Variants in STK3 observed in about 807,000 individuals in gnomAD.
STK3 encodes the protein serine/threonine kinase 3.
STK3 carries 41 observed loss-of-function variants against 58.0 expected under a neutral mutation model. The observed-to-expected ratio is 0.71, with a 90% CI of 0.55 to 0.92. The LOEUF (loss-of-function observed/expected upper bound fraction) is 0.92, where lower values mean the gene tolerates loss of function less well. Among genes scored for constraint, STK3 ranks in the 40% least tolerant of loss-of-function variants. The probability of loss-of-function intolerance (pLI) is 0.00; values close to 1 mark genes in which losing one functional copy is unlikely to be tolerated. For synonymous variants in STK3, 170 were observed against 191.0 expected, an observed-to-expected ratio of 0.89 and a Z score of 0.91; for missense variants, 479 against 602.7, an observed-to-expected ratio of 0.79 and a Z score of 2.15.
At chr8:98,752,127 C>T (rs1830025175) in intron 3 of STK3, among the ~76,000 whole-genome samples, 1 of 152,000 alleles carries the variant, frequency 6.6e-6, no homozygotes, top group African/African-American at 2.4e-5. Flanking sequence ...CAAAAAAGAG[C>T]CCGAATAGCC....
intron 6 of STK3, among the ~76,000 whole-genome samples, chr8:98,699,072 T>G (rs1825283296): frequency 6.6e-6 from 1 of 152,148 alleles, no homozygotes; most frequent in Non-Finnish European, 1.5e-5. Flanking sequence ...CTTTTTGTTC[T>G]TTTTCTCTAA....
chr8:98,843,804 G>A (rs1174272880), intron 3 of STK3, among the ~76,000 whole-genome samples: 51 of 152,308 alleles, frequency 3.3e-4, no homozygotes, highest in Non-Finnish European at 4.0e-4. Context: ...ATCACTTGAG[G>A]TTAGAAGTTC....
At chr8:98,699,786 C>T (rs1348222436) in intron 6 of STK3, among the ~76,000 whole-genome samples, 1 of 152,200 alleles carries the variant, frequency 6.6e-6, no homozygotes, top group African/African-American at 2.4e-5. Context: ...GGGGGTGCCT[C>T]CCAGTTAGGC....
At chr8:98,474,680 A>G (rs1821174961) in intron 10 of STK3, among the ~76,000 whole-genome samples, 1 of 152,190 alleles carries the variant, frequency 6.6e-6, no homozygotes, top group Non-Finnish European at 1.5e-5. Flanking sequence ...AGTTCTATTC[A>G]TCTTTAGGAC....
Position 98,506,759 on chromosome 8 carries a change from G to A in STK3, c.1317+19983C>T, listed in dbSNP as rs115434835. Among the ~76,000 whole-genome samples the A allele has an allele frequency of 3.5e-3, 535 of 152,154 alleles. 4 individuals are homozygous for A. The highest frequency in any genetic ancestry group is 0.012 in the African/African-American group (480 of 41,540). ...ATGGAGAAAGAACCAAAGACTCAAC[G>A]AATGCAGCTCCAGATACTGAAAAGT... On this transcript the variant is annotated intron_variant, in intron 10 of 10. Coordinates refer to ENST00000419617, the MANE Select transcript of STK3 (RefSeq NM_006281.4).
chr8:98,528,701 T>C (rs1419866497), intron 9 of STK3, among the ~76,000 whole-genome samples: 5 of 152,050 alleles, frequency 3.3e-5, no homozygotes, highest in African/African-American at 1.2e-4. Flanking sequence ...GGTCAGGCAG[T>C]AAGCTACTTT....
intron 1 of STK3, among the ~76,000 whole-genome samples, chr8:98,823,227 T>C (rs2131742830): frequency 6.6e-6 from 1 of 151,796 alleles, no homozygotes. Flanking sequence ...CCTGAAAAAA[T>C]AAAAAATGCC....
intron 3 of STK3, among the ~76,000 whole-genome samples, chr8:98,860,600 G>A (rs543896209): frequency 7.9e-5 from 12 of 152,270 alleles, no homozygotes; most frequent in South Asian, 6.2e-4. Context: ...ATGATAACGC[G>A]CAGATTGCAC....
intron 8 of STK3, among the ~76,000 whole-genome samples, chr8:98,551,964 G>C (rs1425161246): frequency 3.3e-5 from 5 of 152,042 alleles, no homozygotes; most frequent in Admixed American, 2.6e-4. Flanking sequence ...CAGAAAATAA[G>C]AGACTTCCCT....
At chr8:98,389,852 C>T (rs1817829978), upstream of STK3, among the ~76,000 whole-genome samples, 1 of 151,576 alleles carries the variant, frequency 6.6e-6, no homozygotes, top group African/African-American at 2.4e-5. Flanking sequence ...CCCAAATGAG[C>T]CAAAGCCACC....
At chr8:98,506,499 A>G (rs1268720108) in intron 10 of STK3, among the ~76,000 whole-genome samples, 1 of 152,152 alleles carries the variant, frequency 6.6e-6, no homozygotes, top group Non-Finnish European at 1.5e-5. Context: ...TGGGAGCTGC[A>G]GACCGGAGCT....
chr8:98,883,482 CCAAA>C (rs1837872066), downstream of STK3: 2 of 559,656 alleles, frequency 3.6e-6, no homozygotes, highest in East Asian at 2.9e-5. Context: ...GCAAGGAAAT[CCAAA>C]CACTCTTCTG....
chr8:98,852,334 A>G (rs1355793888), intron 3 of STK3, among the ~76,000 whole-genome samples: 3 of 152,028 alleles, frequency 2.0e-5, no homozygotes, highest in Admixed American at 6.6e-5. Context: ...GGGTTTCACC[A>G]TGTTGTCCAG....
intron 3 of STK3, among the ~76,000 whole-genome samples, chr8:98,866,519 T>TG (rs1398567570): frequency 6.6e-6 from 1 of 152,178 alleles, no homozygotes; most frequent in African/African-American, 2.4e-5. Flanking sequence ...ACAAGCACTC[T>TG]GGGGTGGTGA....
chr8:98,392,646 A>C (rs561390598), upstream of STK3, among the ~76,000 whole-genome samples: 1 of 152,278 alleles, frequency 6.6e-6, no homozygotes, highest in East Asian at 1.9e-4. Flanking sequence ...CTTGGGGTCC[A>C]GGGATCCCTA....
intron 7 of STK3, among the ~76,000 whole-genome samples, chr8:98,583,215 G>A (rs899522409): frequency 6.6e-6 from 1 of 151,182 alleles, no homozygotes; most frequent in Admixed American, 6.6e-5. Context: ...CAATACCATT[G>A]AATACAATTA....
chr8:98,906,121 C>G (rs1048751573), intron 1 of STK3: 10 of 154,018 alleles, frequency 6.5e-5, no homozygotes, highest in African/African-American at 2.4e-4. Flanking sequence ...TTAGGCTAAA[C>G]TTGATTTAAC....
intron 10 of STK3, among the ~76,000 whole-genome samples, chr8:98,473,340 C>A (rs1444419985): frequency 6.6e-6 from 1 of 152,156 alleles, no homozygotes. Context: ...TAGCTTCTTT[C>A]TCTTGTGCAT....
intron 3 of STK3, among the ~76,000 whole-genome samples, chr8:98,864,197 CAAAAA>C (rs35196007): frequency 2.7e-4 from 10 of 37,446 alleles, no homozygotes; most frequent in African/African-American, 9.3e-4. Flanking sequence ...GACTCCTTCT[CAAAAA>C]AAAAAAAAAA....
Sources: gnomAD v4.1 joint callset for allele counts (sites outside exome capture counted in the v4.1 genomes callset) on GRCh38, gnomAD v4.1.1 for gene constraint, MANE v1.5 for transcripts, NCBI Gene and HGNC (gene_info 2026-07-23, HGNC 2026-07-21) for gene names.